Variants in PDE2A observed in about 807,000 individuals in gnomAD.
PDE2A encodes cGMP-dependent 3',5'-cyclic phosphodiesterase.
PDE2A carries 53 observed loss-of-function variants against 133.6 expected under a neutral mutation model. The ratio of observed to expected loss-of-function variants is 0.40; its 90% confidence interval spans 0.32 to 0.50. The LOEUF is 0.50. Ranked by LOEUF, PDE2A falls within the 20% of genes least tolerant of loss-of-function variation. The pLI is 0.73. For missense variants in PDE2A, 796 were observed against 1,232.4 expected, an observed-to-expected ratio of 0.65 and a Z score of 5.30; for synonymous variants, 491 against 490.2, an observed-to-expected ratio of 1.00 and a Z score of -0.02.
intron 21 of PDE2A, 139 bp downstream of exon 21, chr11:72,582,305 A>G: frequency 1.2e-6 from 1 of 818,996 alleles, no homozygotes; most frequent in Non-Finnish European, 1.9e-6. Flanking sequence ...GCAGACTACA[A>G]GCCCCTCCAT....
rs118158140 is a variant in PDE2A, at chr11:72,633,604, G to A, written c.144+8650C>T. ...TTTTCAGCTGGGATTTATGGACCCC[G>A]TGACACGCTTGCACATGTTTATGTG... On this transcript the variant is annotated intron_variant, in intron 2 of 30. Coordinates refer to ENST00000334456, the MANE Select transcript of PDE2A (RefSeq NM_002599.5). Among the ~76,000 whole-genome samples the A allele has an allele frequency of 7.2e-5, 11 of 152,254 alleles. No homozygotes were observed. In the East Asian group the frequency reaches 2.1e-3, roughly 29 times the overall value.
chr11:72,640,982 G>A (rs954161784), intron 2 of PDE2A, among the ~76,000 whole-genome samples: 2 of 151,836 alleles, frequency 1.3e-5, no homozygotes, highest in African/African-American at 4.8e-5. Flanking sequence ...ATTCATACAC[G>A]GCACAACACA....
chr11:72,598,774 G>T, intron 4 of PDE2A: 1 of 985,432 alleles, frequency 1.0e-6, no homozygotes, highest in East Asian at 1.1e-4. Context: ...TCTCGTTCAA[G>T]CTCACGCAGC....
At chr11:72,596,705 C>T (rs12276229) in intron 5 of PDE2A, 57 bp from the exon 6 acceptor site, 24,643 of 1,158,902 alleles carry the variant, frequency 0.021, 681 homozygotes, top group African/African-American at 0.13. Flanking sequence ...TCAGAGATAC[C>T]GAGCCGGGAC....
At chr11:72,624,777 C>G (rs1302098095) in intron 2 of PDE2A, among the ~76,000 whole-genome samples, 3 of 152,264 alleles carry the variant, frequency 2.0e-5, no homozygotes, top group Non-Finnish European at 4.4e-5. Context: ...GGCACAGCCA[C>G]TGTACACATC....
At chr11:72,580,812 C>A (rs1272527826) in intron 24 of PDE2A, 74 bp downstream of exon 24, 4 of 1,063,626 alleles carry the variant, frequency 3.8e-6, no homozygotes, top group Non-Finnish European at 2.9e-6. Flanking sequence ...TCCCACCCAT[C>A]TTCAGGCTGG....
chr11:72,611,403 G>A (rs1033123932), intron 2 of PDE2A, among the ~76,000 whole-genome samples: 34 of 152,104 alleles, frequency 2.2e-4, no homozygotes, highest in Non-Finnish European at 8.8e-5. Flanking sequence ...AGGGTGCTCA[G>A]AAAGAACAGT....
chr11:72,661,522 C>T (rs1320157609), intron 1 of PDE2A, among the ~76,000 whole-genome samples: 1 of 152,184 alleles, frequency 6.6e-6, no homozygotes, highest in East Asian at 1.9e-4. Context: ...CATTGGAAAA[C>T]AGTCAGTGAT....
At chr11:72,592,624 A>T (rs943425924) in intron 6 of PDE2A, among the ~76,000 whole-genome samples, 1 of 152,116 alleles carries the variant, frequency 6.6e-6, no homozygotes, top group Non-Finnish European at 1.5e-5. Flanking sequence ...GGAGATGAGG[A>T]TCCAGGTAGG....
chr11:72,638,692 T>C (rs1206422075), intron 2 of PDE2A, among the ~76,000 whole-genome samples: 1 of 151,896 alleles, frequency 6.6e-6, no homozygotes, highest in Non-Finnish European at 1.5e-5. Flanking sequence ...GTTAACCTGC[T>C]AAATGAGACA....
chr11:72,582,111 A>C, intron 21 of PDE2A, 164 bp from the exon 22 acceptor site: 3 of 636,064 alleles, frequency 4.7e-6, no homozygotes, highest in Non-Finnish European at 8.4e-6. Context: ...GGAGCTATGC[A>C]TTTTTAGAGA....
intron 1 of PDE2A, among the ~76,000 whole-genome samples, chr11:72,663,498 G>A (rs2135460701): frequency 6.6e-6 from 1 of 152,236 alleles, no homozygotes; most frequent in East Asian, 1.9e-4. Flanking sequence ...GGAGGTCAAG[G>A]CGGGCAGATC....
At chr11:72,640,947 C>T (rs919212664) in intron 2 of PDE2A, among the ~76,000 whole-genome samples, 14 of 152,198 alleles carry the variant, frequency 9.2e-5, no homozygotes, top group Non-Finnish European at 1.5e-5. Context: ...AATCTCCCCA[C>T]AAATAATCCC....
intron 1 of PDE2A, among the ~76,000 whole-genome samples, chr11:72,662,540 T>C (rs1008641179): frequency 3.3e-5 from 5 of 152,244 alleles, no homozygotes; most frequent in African/African-American, 9.6e-5. Flanking sequence ...GGCCATTGTC[T>C]GAGGGGGTGG....
Position 72,584,383 on chromosome 11 carries a change from G to A in PDE2A, c.1538-70C>T, listed in dbSNP as rs529686941. On this transcript the variant is annotated intron_variant, in intron 18 of 30. Coordinates refer to ENST00000334456, the MANE Select transcript of PDE2A (RefSeq NM_002599.5). ...TCGGTTGGAGGGAGGGATCCGGCCG[G>A]GACCTGCCCTCGCAGTTTCCGCAGG... 4.6e-5 allele frequency: 59 copies of A among 1,271,830 alleles called. No homozygotes were observed. The South Asian group carries it at 5.4e-4, about 12-fold the overall frequency. 78.8% of individuals were successfully genotyped at this position (1,271,830 alleles called of 1,614,324 possible). A position where few individuals can be genotyped will look rare whatever the true frequency, so the allele number is the denominator to read the frequency against.
intron 19 of PDE2A, 79 bp from the exon 20 acceptor site, chr11:72,583,594 G>T (rs763351153): frequency 4.2e-6 from 4 of 942,638 alleles, no homozygotes; most frequent in Non-Finnish European, 7.0e-6. Flanking sequence ...GGATGAAGGG[G>T]TCAAAAAGAC....
chr11:72,586,001 C>T, intron 14 of PDE2A, 69 bp downstream of exon 14: 1 of 918,304 alleles, frequency 1.1e-6, no homozygotes, highest in Non-Finnish European at 1.8e-6. Context: ...CATTTCCCTT[C>T]TGAATGGCTC....
At chr11:72,605,074 G>A (rs1435186089) in intron 4 of PDE2A, 64 bp downstream of exon 4, 2 of 1,041,648 alleles carry the variant, frequency 1.9e-6, no homozygotes, top group Non-Finnish European at 2.9e-6. Context: ...ACCTTGGATG[G>A]TGCCTCAGCC....
rs1171275121 is a variant in PDE2A, at chr11:72,580,601, G to A, written c.2157C>T (p.Tyr719=). The A allele has an allele frequency of 1.9e-6, 3 of 1,568,578 alleles. No individual in the cohort carries two copies. The Admixed American group carries it at 5.8e-5, about 30-fold the overall frequency. The change falls in exon 25 of 31, where the codon TAC becomes TAT. Residue 719 remains tyrosine, a synonymous_variant. Transcript: ENST00000334456. ...CCTCCATGACGGAGCCCTCAGAGCTGTAGAGCGCAGCCAGCACAGATTTCT... is the reference window on the plus strand; with the variant it reads ...CCTCCATGACGGAGCCCTCAGAGCTATAGAGCGCAGCCAGCACAGATTTCT... ...VASKSVLAAL[Y]SSEGSVMERH...
Sources: allele counts gnomAD v4.1 joint callset (sites outside exome capture counted in the v4.1 genomes callset), GRCh38; gene constraint gnomAD v4.1.1; transcripts MANE v1.5; gene names NCBI Gene and HGNC (gene_info 2026-07-23, HGNC 2026-07-21).